Variants in RALYL observed in about 807,000 individuals in gnomAD.
RALYL encodes the protein RNA-binding Raly-like protein.
A neutral mutation model predicts 35.1 loss-of-function variants in RALYL; 29 were observed. The observed-to-expected ratio is 0.83, with a 90% confidence interval of 0.61 to 1.13. The LOEUF (loss-of-function observed/expected upper bound fraction) is 1.13, where lower values mean the gene tolerates loss of function less well. RALYL is among the 50% of genes most tolerant of loss of function. The pLI is 0.00. For missense variants in RALYL, 359 were observed against 360.4 expected, an observed-to-expected ratio of 1.00 and a Z score of 0.03; for synonymous variants, 120 against 127.6, an observed-to-expected ratio of 0.94 and a Z score of 0.40.
At chr8:84,900,233 A>C (rs1277818364) in intron 8 of RALYL, among the ~76,000 whole-genome samples, 2 of 152,204 alleles carry the variant, frequency 1.3e-5, no homozygotes, top group Non-Finnish European at 2.9e-5. Flanking sequence ...ATAAGCTTTA[A>C]ATATACAAAA....
At chr8:84,652,869 C>G (rs554371414) in intron 2 of RALYL, among the ~76,000 whole-genome samples, 25 of 152,162 alleles carry the variant, frequency 1.6e-4, no homozygotes, top group African/African-American at 6.0e-4. Context: ...TTTATGGTCA[C>G]TCTAGACCAC....
rs141183945 is a variant in RALYL, at chr8:84,349,349, G to A, written c.-24+164925G>A. Among the ~76,000 whole-genome samples, 6 of 150,480 alleles carry A rather than the reference G, an allele frequency of 4.0e-5. No homozygotes were observed. In the East Asian group the frequency reaches 7.7e-4, roughly 19 times the overall value. On this transcript the variant is annotated intron_variant, in intron 1 of 8. Transcript: ENST00000521268. ...CAACTTGTATTGTGAATTTTCATGAGTACTTCACGTAGATTATACCCAGTT... is the reference window on the plus strand; with the variant it reads ...CAACTTGTATTGTGAATTTTCATGAATACTTCACGTAGATTATACCCAGTT...
At chr8:84,555,630 A>G (rs1267297233) in intron 2 of RALYL, among the ~76,000 whole-genome samples, 1 of 152,196 alleles carries the variant, frequency 6.6e-6, no homozygotes, top group Non-Finnish European at 1.5e-5. Context: ...TTCTGTTTTG[A>G]CATTTTAATT....
chr8:84,623,804 AAAATATCC>A (rs1209392226), intron 2 of RALYL, among the ~76,000 whole-genome samples: 1 of 152,172 alleles, frequency 6.6e-6, no homozygotes, highest in Non-Finnish European at 1.5e-5. Flanking sequence ...AAAAAAATTT[AAAATATCC>A]TTGAGCAAAT....
At chr8:84,906,497 T>A (rs770153215) in intron 8 of RALYL, among the ~76,000 whole-genome samples, 3 of 152,120 alleles carry the variant, frequency 2.0e-5, no homozygotes, top group Non-Finnish European at 4.4e-5. Context: ...TAATAATCTG[T>A]GACAAAAGAA....
At chr8:84,906,219 A>G (rs1846465438) in intron 8 of RALYL, among the ~76,000 whole-genome samples, 1 of 152,104 alleles carries the variant, frequency 6.6e-6, no homozygotes, top group Non-Finnish European at 1.5e-5. Context: ...TTATTTTTTA[A>G]TGCTCCAAAT....
intron 6 of RALYL, 163 bp from the exon 7 acceptor site, chr8:84,873,121 A>G: frequency 2.2e-6 from 1 of 462,032 alleles, no homozygotes; most frequent in Non-Finnish European, 3.9e-6. Flanking sequence ...ATCATCCAGT[A>G]TTCCAGGATC....
intron 1 of RALYL, among the ~76,000 whole-genome samples, chr8:84,211,858 A>G (rs941373991): frequency 1.3e-5 from 2 of 152,192 alleles, no homozygotes; most frequent in Non-Finnish European, 2.9e-5. Flanking sequence ...TAATAATAAT[A>G]GTAATAATAA....
rs896487722 is a variant in RALYL, at chr8:84,675,326, T to G, written c.257-99253T>G. Among the ~76,000 whole-genome samples, 4 of 152,138 alleles carry G rather than the reference T, an allele frequency of 2.6e-5. No individual in the cohort carries two copies. The South Asian group carries it at 8.3e-4, about 32-fold the overall frequency. ...AATCTCTTTTTTCAAAAGTATGTAT[T>G]AAGGTATAACCAGTCCACCAATTCT... On this transcript the variant is annotated intron_variant, in intron 2 of 8. Transcript: ENST00000521268.
intron 4 of RALYL, among the ~76,000 whole-genome samples, chr8:84,830,973 A>G (rs969546633): frequency 6.6e-6 from 1 of 152,116 alleles, no homozygotes; most frequent in Non-Finnish European, 1.5e-5. Flanking sequence ...TTGATATTGC[A>G]GAGGAAAAGA....
chr8:84,590,617 G>T (rs536539343), intron 2 of RALYL, among the ~76,000 whole-genome samples: 88 of 152,282 alleles, frequency 5.8e-4, no homozygotes, highest in African/African-American at 1.9e-3. Context: ...TGAACCTATG[G>T]AATTTACCAC....
chr8:84,754,199 C>T (rs1162046307), intron 2 of RALYL, among the ~76,000 whole-genome samples: 2 of 151,774 alleles, frequency 1.3e-5, no homozygotes, highest in African/African-American at 4.8e-5. Context: ...GTGTTTTGGA[C>T]ATGAAGTCCT....
chr8:84,516,748 G>C (rs2058096241), intron 1 of RALYL, among the ~76,000 whole-genome samples: 1 of 152,100 alleles, frequency 6.6e-6, no homozygotes, highest in Admixed American at 6.6e-5. Flanking sequence ...TCTGTTCAGG[G>C]TGGATCTCTC....
rs373389780 is a variant in RALYL at position 84,417,278 on chromosome 8, G to T, written c.-23-112021G>T. 1.2e-4 allele frequency among the ~76,000 whole-genome samples: 19 copies of T among 152,214 alleles called. No individual in the cohort carries two copies. In the East Asian group the frequency reaches 1.9e-3, roughly 16 times the overall value. ...TAACGTTTAAAAATATAACAAGAGA[G>T]TCAGTTTTTTCTGATTCTTCATGTC... is the stretch of plus-strand genomic sequence containing the variant. On this transcript the variant is annotated intron_variant, in intron 1 of 8. Transcript: ENST00000521268.
At chr8:84,614,728 C>G (rs1021546268) in intron 2 of RALYL, among the ~76,000 whole-genome samples, 4 of 150,404 alleles carry the variant, frequency 2.7e-5, no homozygotes, top group Admixed American at 2.0e-4. Context: ...GGATTTGCTG[C>G]TATGGAAAGA....
At chr8:84,470,010 C>T (rs528861985) in intron 1 of RALYL, among the ~76,000 whole-genome samples, 73 of 152,218 alleles carry the variant, frequency 4.8e-4, no homozygotes, top group African/African-American at 1.5e-3. Context: ...GCGCACGGTG[C>T]GCGCACCCAC....
At chr8:84,526,707 T>A (rs113961934) in intron 1 of RALYL, among the ~76,000 whole-genome samples, 10 of 152,238 alleles carry the variant, frequency 6.6e-5, no homozygotes, top group African/African-American at 1.7e-4. Context: ...TGCTCTGAAC[T>A]CTGATCTGTA....
chr8:84,783,592 T>C (rs1329282559), intron 3 of RALYL, among the ~76,000 whole-genome samples: 1 of 152,160 alleles, frequency 6.6e-6, no homozygotes, highest in African/African-American at 2.4e-5. Context: ...CTTTTCATAT[T>C]CTCATGAAAG....
chr8:84,548,885 G>T (rs533673000), intron 2 of RALYL, among the ~76,000 whole-genome samples: 2 of 152,164 alleles, frequency 1.3e-5, no homozygotes, highest in East Asian at 3.9e-4. Flanking sequence ...TGCTTGGAAG[G>T]AAATTACTGG....
Sources: gnomAD v4.1 joint callset for allele counts (sites outside exome capture counted in the v4.1 genomes callset) on GRCh38, gnomAD v4.1.1 for gene constraint, MANE v1.5 for transcripts, NCBI Gene and HGNC (gene_info 2026-07-23, HGNC 2026-07-21) for gene names.